PTPRK: variants seen among roughly 807,000 people sequenced by gnomAD.
PTPRK encodes receptor-type tyrosine-protein phosphatase kappa.
A neutral mutation model predicts 178.0 loss-of-function variants in PTPRK; 75 were observed. That is an observed-to-expected ratio of 0.42 (90% CI 0.35 to 0.51). The LOEUF is 0.51. Among genes scored for constraint, PTPRK ranks in the 20% least tolerant of loss-of-function variants. The pLI, the probability that PTPRK is intolerant of heterozygous loss-of-function variation, is 0.02. For synonymous variants in PTPRK, 637 were observed against 620.6 expected (o/e 1.03, Z -0.39); for missense variants, 1,441 against 1,797.8 (o/e 0.80, Z 3.59).
intron 2 of PTPRK, among the ~76,000 whole-genome samples, chr6:128,374,011 G>A (rs1395977434): frequency 1.3e-5 from 2 of 152,074 alleles, no homozygotes; most frequent in African/African-American, 4.8e-5. Context: ...TACCTTTCCA[G>A]TACACATTTT....
intron 3 of PTPRK, among the ~76,000 whole-genome samples, chr6:128,310,442 AAAAC>A (rs1381338904): frequency 1.3e-5 from 2 of 152,176 alleles, no homozygotes; most frequent in Admixed American, 6.6e-5. Context: ...TTTTTCCAAA[AAAAC>A]AAACAAACAA....
chr6:128,417,847 G>T (rs527578524), intron 1 of PTPRK, among the ~76,000 whole-genome samples: 1 of 152,230 alleles, frequency 6.6e-6, no homozygotes, highest in Admixed American at 6.5e-5. Flanking sequence ...AAAGGAACGT[G>T]GTCCTTTTCG....
chr6:128,143,540 G>A (rs1796076869), intron 7 of PTPRK, among the ~76,000 whole-genome samples: 1 of 152,032 alleles, frequency 6.6e-6, no homozygotes, highest in South Asian at 2.1e-4. Flanking sequence ...TTCCACCCCA[G>A]TCATTACCAA....
Position 127,991,296 on chromosome 6 carries a change from G to T in PTPRK, c.2977C>A (p.Arg993=). 1 of 1,582,826 alleles carries T rather than the reference G, an allele frequency of 6.3e-7. No individual in the cohort carries two copies. Among genetic ancestry groups the T allele is most frequent in the Non-Finnish European group, 8.6e-7 (1 of 1,165,966 alleles). ...VMVTNLVEVG[R]VKCYKYWPDD... is the part of the protein sequence containing the mutation. ...AAAATTCTTTTTCTTCCTCTTACCCGGCCAACCTCAACTAAATTTGTAACC... is the reference window on the plus strand; with the variant it reads ...AAAATTCTTTTTCTTCCTCTTACCCTGCCAACCTCAACTAAATTTGTAACC... The change falls in exon 20 of 30, where the codon CGG becomes AGG. Residue 993 remains arginine (R), a splice_region_variant and synonymous_variant. Transcript: ENST00000368226.
chr6:128,273,614 A>G (rs1354196834), intron 3 of PTPRK, among the ~76,000 whole-genome samples: 3 of 152,190 alleles, frequency 2.0e-5, no homozygotes, highest in African/African-American at 4.8e-5. Context: ...ATCTTCTGCT[A>G]CAATCACCTC....
intron 13 of PTPRK, among the ~76,000 whole-genome samples, chr6:128,026,733 AG>A (rs1774374590): frequency 6.6e-6 from 1 of 152,176 alleles, no homozygotes; most frequent in South Asian, 2.1e-4. Flanking sequence ...TACTTTAAGG[AG>A]GATATTATTC....
chr6:128,188,491 C>T (rs368418044), intron 6 of PTPRK, among the ~76,000 whole-genome samples: 2 of 152,198 alleles, frequency 1.3e-5, no homozygotes, highest in South Asian at 2.1e-4. Flanking sequence ...AAATTAAATA[C>T]CTCTCAATCC....
chr6:128,102,788 T>G (rs899040427), intron 7 of PTPRK, among the ~76,000 whole-genome samples: 1 of 152,176 alleles, frequency 6.6e-6, no homozygotes, highest in Non-Finnish European at 1.5e-5. Flanking sequence ...CGAGCTAATG[T>G]GATTCCATAG....
At chr6:128,026,089 G>A (rs1284737884) in intron 13 of PTPRK, among the ~76,000 whole-genome samples, 1 of 152,108 alleles carries the variant, frequency 6.6e-6, no homozygotes, top group Non-Finnish European at 1.5e-5. Context: ...AGAATCCCAA[G>A]AGATCTAAAC....
chr6:128,128,086 G>A (rs1027754071), intron 7 of PTPRK, among the ~76,000 whole-genome samples: 1 of 152,124 alleles, frequency 6.6e-6, no homozygotes, highest in African/African-American at 2.4e-5. Flanking sequence ...ATGAAGTTTA[G>A]TTTTTGCTTT....
intron 3 of PTPRK, among the ~76,000 whole-genome samples, chr6:128,268,356 A>T (rs926739742): frequency 6.6e-6 from 1 of 152,012 alleles, no homozygotes; most frequent in Non-Finnish European, 1.5e-5. Flanking sequence ...CTAAACTCCA[A>T]GGGTCATCAA....
intron 11 of PTPRK, among the ~76,000 whole-genome samples, chr6:128,071,099 G>T (rs1782740542): frequency 6.9e-6 from 1 of 145,486 alleles, no homozygotes. Flanking sequence ...TATCATGCAG[G>T]CTCTGAGGAT....
At chr6:128,134,557 T>C (rs1157063073) in intron 7 of PTPRK, among the ~76,000 whole-genome samples, 2 of 152,124 alleles carry the variant, frequency 1.3e-5, no homozygotes, top group Non-Finnish European at 2.9e-5. Flanking sequence ...ATGTCTGTAA[T>C]CCCAGCACTT....
intron 7 of PTPRK, among the ~76,000 whole-genome samples, chr6:128,170,802 T>C (rs1181638062): frequency 6.6e-6 from 1 of 151,988 alleles, no homozygotes; most frequent in Non-Finnish European, 1.5e-5. Context: ...AGGCAGAATG[T>C]TTATATTTCA....
intron 11 of PTPRK, among the ~76,000 whole-genome samples, chr6:128,072,204 A>G (rs750811146): frequency 3.9e-5 from 6 of 152,040 alleles, no homozygotes; most frequent in Non-Finnish European, 8.8e-5. Flanking sequence ...ATATATTGGT[A>G]TCATTAATCA....
chr6:127,993,834 A>G lies in PTPRK; in HGVS notation c.2845-1125T>C, dbSNP rs572356974. On this transcript the variant is annotated intron_variant, in intron 18 of 29. Transcript: ENST00000368226. ...AGGGAAAATTATGAAATTGTATAGA[A>G]ATAGACCAAAATACACTGGGGTCTT... Among the ~76,000 whole-genome samples, 237 of 151,814 alleles carry G rather than the reference A, an allele frequency of 1.6e-3. 1 individual carries two copies. Among genetic ancestry groups the G allele is most frequent in the South Asian group, 4.1e-3 (20 of 4,830 alleles).
chr6:128,468,754 C>G (rs1850219137), intron 1 of PTPRK, among the ~76,000 whole-genome samples: 1 of 152,084 alleles, frequency 6.6e-6, no homozygotes, highest in Admixed American at 6.6e-5. Context: ...TAAATTTTCT[C>G]TAACCTAACT....
chr6:128,449,109 C>T (rs1847427548), intron 1 of PTPRK, among the ~76,000 whole-genome samples: 1 of 152,136 alleles, frequency 6.6e-6, no homozygotes, highest in South Asian at 2.1e-4. Context: ...ATCCACCCGC[C>T]TCGGCCTCCC....
chr6:127,998,282 T>C (rs1777397674), intron 16 of PTPRK, among the ~76,000 whole-genome samples: 1 of 151,992 alleles, frequency 6.6e-6, no homozygotes, highest in Admixed American at 6.6e-5. Context: ...GTAGTATATT[T>C]AGAGCACAAA....
Sources: gnomAD v4.1 joint callset for allele counts (sites outside exome capture counted in the v4.1 genomes callset) on GRCh38, gnomAD v4.1.1 for gene constraint, MANE v1.5 for transcripts, NCBI Gene and HGNC (gene_info 2026-07-23, HGNC 2026-07-21) for gene names.